The following ESRRG variants were observed in gnomAD, a reference collection of about 807,000 sequenced individuals.
The protein encoded by ESRRG is estrogen-related receptor gamma.
ESRRG carries 13 observed loss-of-function variants against 44.0 expected under a neutral mutation model. The ratio of observed to expected loss-of-function variants is 0.30; its 90% confidence interval spans 0.19 to 0.47. The LOEUF is 0.47. Ranked by LOEUF, ESRRG falls within the 20% of genes least tolerant of loss-of-function variation. The probability of loss-of-function intolerance (pLI) is 1.00; values close to 1 mark genes in which losing one functional copy is unlikely to be tolerated. For synonymous variants in ESRRG, 215 were observed against 214.6 expected (o/e 1.00, Z -0.02); for missense variants, 395 against 580.6 (o/e 0.68, Z 3.29).
chr1:216,581,487 G>A (rs1045162992), intron 3 of ESRRG, among the ~76,000 whole-genome samples: 1 of 152,112 alleles, frequency 6.6e-6, no homozygotes, highest in African/African-American at 2.4e-5. Flanking sequence ...ACGATTCTGT[G>A]AGAATTATTC....
rs999264089 is a variant in ESRRG at position 216,874,550 on chromosome 1, C to G, written c.-14+65032G>C. On this transcript the variant is annotated intron_variant, in intron 2 of 7. Coordinates refer to the ESRRG transcript ENST00000359162. ...CATGCCTAGCCTTCTTCCTTCCATA[C>G]AGAGGCAATCAGTAACTTGACCTTA... 8.5e-5 allele frequency among the ~76,000 whole-genome samples: 13 copies of G among 152,312 alleles called. No individual in the cohort carries two copies. In the South Asian group the frequency reaches 1.0e-3, roughly 12 times the overall value.
At chr1:216,626,926 A>G (rs2063292195) in intron 3 of ESRRG, among the ~76,000 whole-genome samples, 1 of 152,116 alleles carries the variant, frequency 6.6e-6, no homozygotes, top group Admixed American at 6.5e-5. Flanking sequence ...GCTAAGGTTT[A>G]TTTTTCTCTA....
chr1:216,971,143 C>T (rs1453327666), intron 1 of ESRRG, among the ~76,000 whole-genome samples: 1 of 152,068 alleles, frequency 6.6e-6, no homozygotes, highest in Non-Finnish European at 1.5e-5. Context: ...CAGCCACTGA[C>T]TGCAGAAAAT....
At chr1:216,720,480 G>T (rs942482625) in intron 1 of ESRRG, among the ~76,000 whole-genome samples, 1 of 152,080 alleles carries the variant, frequency 6.6e-6, no homozygotes, top group African/African-American at 2.4e-5. Flanking sequence ...TCTGTTCAGA[G>T]TTCTCAAATA....
chr1:216,988,087 C>G (rs183400304), intron 1 of ESRRG, among the ~76,000 whole-genome samples: 73 of 152,204 alleles, frequency 4.8e-4, no homozygotes, highest in African/African-American at 1.8e-3. Flanking sequence ...GAATCTTTGT[C>G]TTGGAGTCTG....
chr1:216,646,274 T>C (rs778444342), intron 3 of ESRRG, among the ~76,000 whole-genome samples: 28 of 152,232 alleles, frequency 1.8e-4, no homozygotes, highest in Non-Finnish European at 3.5e-4. Context: ...ATAAAAAGTT[T>C]AGAAAGCACC....
At chr1:217,096,004 A>C (rs1193186113) in intron 1 of ESRRG, among the ~76,000 whole-genome samples, 1 of 152,258 alleles carries the variant, frequency 6.6e-6, no homozygotes, top group African/African-American at 2.4e-5. Flanking sequence ...GTGAAAAATT[A>C]TAAATGTAAA....
intron 2 of ESRRG, among the ~76,000 whole-genome samples, chr1:216,906,011 A>G (rs771389526): frequency 2.0e-5 from 3 of 152,204 alleles, no homozygotes; most frequent in Non-Finnish European, 4.4e-5. Flanking sequence ...TTGGCCTCAC[A>G]AAGTGCTGGG....
chr1:217,099,501 A>G (rs1422373927), intron 1 of ESRRG, among the ~76,000 whole-genome samples: 4 of 152,208 alleles, frequency 2.6e-5, no homozygotes, highest in African/African-American at 4.8e-5. Flanking sequence ...TATGAAATCT[A>G]ATATAATGTG....
chr1:216,778,286 A>T (rs754450103), intron 2 of ESRRG, among the ~76,000 whole-genome samples: 25 of 152,008 alleles, frequency 1.6e-4, no homozygotes, highest in Non-Finnish European at 2.4e-4. Context: ...GCCTCTTCAG[A>T]GTTGTCCTTA....
At chr1:216,714,706 G>C (rs1054012611) in intron 1 of ESRRG, 5 of 219,490 alleles carry the variant, frequency 2.3e-5, no homozygotes, top group Non-Finnish European at 3.9e-5. Context: ...TTATTCTTCA[G>C]ACTTAACCAA....
At chr1:216,597,288 C>T (rs146490447) in intron 3 of ESRRG, among the ~76,000 whole-genome samples, 1,777 of 152,066 alleles carry the variant, frequency 0.012, 36 homozygotes, top group African/African-American at 0.04. Flanking sequence ...TAATTACAGC[C>T]GTATAATGCT....
intron 2 of ESRRG, among the ~76,000 whole-genome samples, chr1:216,799,912 A>C (rs919912259): frequency 6.6e-6 from 1 of 152,164 alleles, no homozygotes; most frequent in African/African-American, 2.4e-5. Flanking sequence ...CCTTAGAACC[A>C]TGTAATGTTC....
chr1:216,858,192 C>G (rs1194053278), intron 2 of ESRRG, among the ~76,000 whole-genome samples: 1 of 136,310 alleles, frequency 7.3e-6, no homozygotes, highest in Admixed American at 7.2e-5. Context: ...AATCCCAGCA[C>G]TTTGGGAGGC....
chr1:216,924,433 G>A (rs1298042313), intron 2 of ESRRG, among the ~76,000 whole-genome samples: 7 of 151,846 alleles, frequency 4.6e-5, no homozygotes, highest in Admixed American at 4.6e-4. Context: ...GGTCCAATTC[G>A]CCTCCACAAG....
intron 2 of ESRRG, among the ~76,000 whole-genome samples, chr1:216,829,007 GA>G (rs972842905): frequency 6.6e-6 from 1 of 152,146 alleles, no homozygotes; most frequent in African/African-American, 2.4e-5. Context: ...TTAAAGATAT[GA>G]AAAACACTAG....
At chr1:217,093,056 T>G (rs1351707055), upstream of ESRRG, among the ~76,000 whole-genome samples, 1 of 152,330 alleles carries the variant, frequency 6.6e-6, no homozygotes, top group South Asian at 2.1e-4. Flanking sequence ...TTATTATGAC[T>G]TTATAGCTCT....
intron 2 of ESRRG, among the ~76,000 whole-genome samples, chr1:216,655,960 C>G (rs2070410974): frequency 6.6e-6 from 1 of 152,092 alleles, no homozygotes. Flanking sequence ...ATGTGCTGCC[C>G]CAAGCACCTG....
At chr1:216,594,732 G>A (rs925011307) in intron 3 of ESRRG, among the ~76,000 whole-genome samples, 3 of 152,166 alleles carry the variant, frequency 2.0e-5, no homozygotes, top group African/African-American at 7.2e-5. Flanking sequence ...GGAGACTTAG[G>A]ATTTAGAAAG....
Sources: gnomAD v4.1 joint callset for allele counts (sites outside exome capture counted in the v4.1 genomes callset) on GRCh38, gnomAD v4.1.1 for gene constraint, MANE v1.5 for transcripts, NCBI Gene and HGNC (gene_info 2026-07-23, HGNC 2026-07-21) for gene names.